PIP5K1A: variants seen among roughly 807,000 people sequenced by gnomAD.
PIP5K1A encodes phosphatidylinositol-4-phosphate 5-kinase type 1 alpha.
A neutral mutation model predicts 72.9 loss-of-function variants in PIP5K1A; 46 were observed. That is an observed-to-expected ratio of 0.63 (90% CI 0.50 to 0.81). PIP5K1A has a LOEUF of 0.81. PIP5K1A is among the 30% of genes least tolerant of loss of function. PIP5K1A has a pLI of 0.00. For missense variants in PIP5K1A, 458 were observed against 706.1 expected, an observed-to-expected ratio of 0.65 and a Z score of 3.98; for synonymous variants, 228 against 255.1, an observed-to-expected ratio of 0.89 and a Z score of 1.01.
chr1:151,216,649 A>G lies in PIP5K1A; in HGVS notation c.86-7596A>G, dbSNP rs587622037. Among the ~76,000 whole-genome samples the G allele has an allele frequency of 8.6e-5, 13 of 151,976 alleles. No individual in the cohort carries two copies. The East Asian group carries it at 2.5e-3, about 29-fold the overall frequency. On this transcript the variant is annotated intron_variant, in intron 1 of 15. Coordinates refer to ENST00000368888, the MANE Select transcript of PIP5K1A (RefSeq NM_001135638.2). ...CTTTTCTCTTTCTGTTGTACCTCTC[A>G]TTTCCCCGACCCTTCCTGTCCTGTA...
chr1:151,207,629 T>G (rs1052028310), intron 1 of PIP5K1A, among the ~76,000 whole-genome samples: 3 of 151,824 alleles, frequency 2.0e-5, no homozygotes, highest in African/African-American at 7.3e-5. Flanking sequence ...TCTTCCAGGT[T>G]CAAGTGATTC....
At chr1:151,208,719 CTTTTTTTT>C (rs61545057) in intron 1 of PIP5K1A, among the ~76,000 whole-genome samples, 6 of 43,120 alleles carry the variant, frequency 1.4e-4, no homozygotes, top group East Asian at 7.7e-4. Context: ...TAATGGTACG[CTTTTTTTT>C]TTTTTTTTTT....
chr1:151,240,536 A>G (rs1271080180), intron 12 of PIP5K1A, among the ~76,000 whole-genome samples: 1 of 152,214 alleles, frequency 6.6e-6, no homozygotes, highest in Admixed American at 6.5e-5. Flanking sequence ...TGCTGCTGCC[A>G]TAGCAAATTC....
intron 12 of PIP5K1A, chr1:151,240,378 A>C (rs1398753800): frequency 6.8e-5 from 19 of 279,410 alleles, no homozygotes. Context: ...AGAGATACGC[A>C]GTGAGGTTAA....
At chr1:151,225,473 G>A (rs1286858626) in intron 3 of PIP5K1A, among the ~76,000 whole-genome samples, 1 of 77,724 alleles carries the variant, frequency 1.3e-5, no homozygotes, top group Non-Finnish European at 2.6e-5. Context: ...CTCCCTTCTT[G>A]CCTTTTTTTT....
At chr1:151,219,571 G>A (rs1393620524) in intron 1 of PIP5K1A, among the ~76,000 whole-genome samples, 2 of 151,664 alleles carry the variant, frequency 1.3e-5, no homozygotes, top group African/African-American at 4.8e-5. Flanking sequence ...GTGCGTGCCT[G>A]TAATCCCAGC....
chr1:151,217,693 C>T (rs1421641756), intron 1 of PIP5K1A, among the ~76,000 whole-genome samples: 5 of 152,082 alleles, frequency 3.3e-5, no homozygotes, highest in African/African-American at 9.7e-5. Flanking sequence ...GCCATCTTCC[C>T]ACCTCAGCCT....
rs1489778759 is a variant in PIP5K1A at position 151,234,155 on chromosome 1, GCTAAGTTGT to G, written c.640-41_640-33del. 5 of 1,499,208 alleles carry G rather than the reference GCTAAGTTGT, an allele frequency of 3.3e-6. No individual in the cohort carries two copies. In the African/African-American group the frequency reaches 7.0e-5, roughly 21 times the overall value. 92.9% of individuals were successfully genotyped at this position (1,499,208 alleles called of 1,614,324 possible). On this transcript the variant is annotated intron_variant, in intron 7 of 15. Transcript: ENST00000368888. ...TACTGGTGAGTTTCACTGAAAATCA[GCTAAGTTGT>G]TCTCCTACTTCTGTTTCCTTTTGTG...
intron 1 of PIP5K1A, among the ~76,000 whole-genome samples, chr1:151,205,134 A>G (rs935050446): frequency 3.3e-5 from 5 of 152,076 alleles, no homozygotes; most frequent in African/African-American, 1.2e-4. Flanking sequence ...GAAGGTGGTA[A>G]TTTTATCCTT....
At chr1:151,195,646 G>A (rs1684537997), upstream of PIP5K1A, among the ~76,000 whole-genome samples, 1 of 151,860 alleles carries the variant, frequency 6.6e-6, no homozygotes, top group African/African-American at 2.4e-5. Context: ...AGCTACTCGG[G>A]AGGCTGAGGC....
At chr1:151,206,994 C>G (rs781205033) in intron 1 of PIP5K1A, among the ~76,000 whole-genome samples, 1 of 152,112 alleles carries the variant, frequency 6.6e-6, no homozygotes, top group Non-Finnish European at 1.5e-5. Context: ...CTTAGCCTCC[C>G]TAGTAGCTGG....
At chr1:151,203,019 T>G (rs1196169046) in intron 1 of PIP5K1A, among the ~76,000 whole-genome samples, 4 of 152,048 alleles carry the variant, frequency 2.6e-5, no homozygotes, top group Admixed American at 2.6e-4. Flanking sequence ...TCCTCTCGCC[T>G]CAGCCTTGCA....
At chr1:151,236,075 C>T (rs587699757) in intron 8 of PIP5K1A, among the ~76,000 whole-genome samples, 25 of 148,978 alleles carry the variant, frequency 1.7e-4, no homozygotes, top group Non-Finnish European at 2.7e-4. Flanking sequence ...GAGCCAAGAT[C>T]GCGCCACTGT....
Position 151,231,750 on chromosome 1 carries a change from G to T in PIP5K1A, c.317G>T (p.Arg106Leu). ...GGGAGCCTGAGTACCAAACCAGAGCGTGATGTCCTCATGCAAGATTTCTAC... is the reference window on the plus strand; with the variant it reads ...GGGAGCCTGAGTACCAAACCAGAGCTTGATGTCCTCATGCAAGATTTCTAC... Reference protein sequence around the residue: ...TVGSLSTKPERDVLMQDFYVV... With the variant: ...TVGSLSTKPELDVLMQDFYVV... Residue 106 changes from arginine to leucine, a missense_variant, in exon 5 of 16, where the codon CGT becomes CTT. Transcript: ENST00000368888. 6.2e-7 allele frequency: 1 copy of T among 1,613,616 alleles called. No individual in the cohort carries two copies. The highest frequency in any genetic ancestry group is 8.5e-7 in the Non-Finnish European group (1 of 1,179,546).
At chr1:151,230,959 A>G (rs1443868347) in intron 4 of PIP5K1A, among the ~76,000 whole-genome samples, 1 of 152,234 alleles carries the variant, frequency 6.6e-6, no homozygotes. Flanking sequence ...ATGGTGGCTC[A>G]TGCCCGTAAT....
intron 14 of PIP5K1A, 37 bp from the exon 15 acceptor site, chr1:151,246,883 C>G (rs201673317): frequency 8.9e-5 from 138 of 1,546,020 alleles, no homozygotes; most frequent in Middle Eastern, 6.8e-4. Context: ...TCTTCTAATT[C>G]TTTTTCTCTC....
chr1:151,241,019 GC>G (rs1287053021), intron 12 of PIP5K1A, among the ~76,000 whole-genome samples: 2 of 152,012 alleles, frequency 1.3e-5, no homozygotes, highest in African/African-American at 4.8e-5. Context: ...ACTAAAATTA[GC>G]CGGGTGGTGG....
chr1:151,231,928 G>C lies in PIP5K1A; in HGVS notation c.368+127G>C, dbSNP rs587756653. On this transcript the variant is annotated intron_variant, in intron 5 of 15. Coordinates refer to ENST00000368888, the MANE Select transcript of PIP5K1A (RefSeq NM_001135638.2). ...CCATTTCTTAACCTGGTTACAATCA[G>C]GGCGATGTGGGACTAGAGAGTTCGG... 1.3e-3 allele frequency: 1,091 copies of C among 846,622 alleles called. 4 individuals carry two copies. The Middle Eastern group carries it at 0.02, about 16-fold the overall frequency. 52.4% of individuals were successfully genotyped at this position (846,622 alleles called of 1,614,324 possible).
chr1:151,211,979 G>GC (rs1029358767), intron 1 of PIP5K1A, among the ~76,000 whole-genome samples: 15 of 151,888 alleles, frequency 9.9e-5, no homozygotes, highest in Non-Finnish European at 2.9e-5. Context: ...GGGTGTGGTG[G>GC]CAGGTGCCTG....
Sources: allele counts gnomAD v4.1 joint callset (sites outside exome capture counted in the v4.1 genomes callset), GRCh38; gene constraint gnomAD v4.1.1; transcripts MANE v1.5; gene names NCBI Gene and HGNC (gene_info 2026-07-23, HGNC 2026-07-21).